Variants in EFTUD2 observed in about 807,000 individuals in gnomAD.
EFTUD2 encodes elongation factor Tu GTP binding domain containing 2, also known as 116 kDa U5 small nuclear ribonucleoprotein component.
A neutral mutation model predicts 114.3 loss-of-function variants in EFTUD2; 9 were observed. That is an observed-to-expected ratio of 0.08 (90% confidence interval 0.05 to 0.14). The LOEUF is 0.14. EFTUD2 is among the 10% of genes least tolerant of loss of function. EFTUD2 has a pLI of 1.00. For missense variants in EFTUD2, 765 were observed against 1,241.2 expected (o/e 0.62, Z 5.76); for synonymous variants, 449 against 462.3 (o/e 0.97, Z 0.37).
chr17:44,873,719 A>G (rs1230780801), intron 10 of EFTUD2, among the ~76,000 whole-genome samples: 1 of 144,846 alleles, frequency 6.9e-6, no homozygotes, highest in Non-Finnish European at 1.5e-5. Flanking sequence ...GTTCAGCTCT[A>G]TCCCACTTCC....
intron 9 of EFTUD2, 167 bp downstream of exon 9, chr17:44,879,389 A>T: frequency 1.5e-6 from 1 of 662,844 alleles, no homozygotes; most frequent in Non-Finnish European, 2.6e-6. Context: ...CCCGGTAAGA[A>T]TTAATTTTGA....
chr17:44,899,277 T>C (rs1956582677), intron 1 of EFTUD2, 92 bp downstream of exon 1: 1 of 152,210 alleles, frequency 6.6e-6, no homozygotes, highest in Non-Finnish European at 1.5e-5. Flanking sequence ...AAGGGGCCAA[T>C]AGCATATAAG....
At chr17:44,868,250 C>T (rs1283114556) in intron 12 of EFTUD2, 37 bp downstream of exon 12, 1 of 1,571,146 alleles carries the variant, frequency 6.4e-7, no homozygotes, top group East Asian at 2.3e-5. Flanking sequence ...GGTAAATGAT[C>T]ACCCCTCTGG....
intron 9 of EFTUD2, among the ~76,000 whole-genome samples, chr17:44,877,592 G>C (rs2050988062): frequency 6.6e-6 from 1 of 152,098 alleles, no homozygotes; most frequent in Non-Finnish European, 1.5e-5. Flanking sequence ...GACTACTTGA[G>C]GTCAGGAGTT....
Position 44,879,748 on chromosome 17 carries a change from C to T in EFTUD2, c.620-110G>A, listed in dbSNP as rs2051036374. ...AAGCCCGTGAACCTCCGAATATCCC[C>T]TTTCCTCCTCGCCATAACCCCCCAC... On this transcript the variant is annotated intron_variant, in intron 8 of 27. Coordinates refer to ENST00000426333, the MANE Select transcript of EFTUD2 (RefSeq NM_004247.4). 1.2e-5 allele frequency: 12 copies of T among 1,023,914 alleles called. No homozygotes were observed. The East Asian group carries it at 2.9e-4, about 24-fold the overall frequency. The allele number at this position is 1,023,914 out of a possible 1,614,324, so 63.4% of individuals were successfully genotyped here.
At chr17:44,851,584 T>A in intron 27 of EFTUD2, 126 bp downstream of exon 27, 1 of 1,084,384 alleles carries the variant, frequency 9.2e-7, no homozygotes, top group Non-Finnish European at 1.3e-6. Context: ...CTAAGGAGTA[T>A]ACAGATCATA....
chr17:44,891,594 C>T (rs1434550017), intron 2 of EFTUD2, among the ~76,000 whole-genome samples: 1 of 152,214 alleles, frequency 6.6e-6, no homozygotes. Context: ...AAGTGATCCT[C>T]CTGCCTTGAC....
At position 44,865,362 on chromosome 17, in the gene EFTUD2, C is replaced by A. The variant is rs2050726763; in HGVS notation, c.1150-297G>T. 1.4e-5 allele frequency: 4 copies of A among 296,288 alleles called. No homozygotes were observed. In the South Asian group the frequency reaches 1.9e-4, roughly 14 times the overall value. 18.4% of individuals were successfully genotyped at this position (296,288 alleles called of 1,614,324 possible). On this transcript the variant is annotated intron_variant, in intron 13 of 27. Coordinates refer to ENST00000426333, the MANE Select transcript of EFTUD2 (RefSeq NM_004247.4). ...GTCTGAAAAGCAGCATCTCCTCCCA[C>A]TCAGAAACTCCCTCACCTATTAAAC...
At chr17:44,864,817 T>C (rs2050716507) in intron 14 of EFTUD2, 113 bp downstream of exon 14, 2 of 1,490,470 alleles carry the variant, frequency 1.3e-6, no homozygotes, top group African/African-American at 1.4e-5. Flanking sequence ...CTGTGGTTTG[T>C]TGAAAAGATC....
intron 14 of EFTUD2, chr17:44,864,069 T>C (rs556529707): frequency 2.8e-4 from 73 of 263,796 alleles, no homozygotes; most frequent in Non-Finnish European, 4.8e-4. Context: ...TATGAACTTT[T>C]ATTGGCTATA....
chr17:44,881,415 C>T (rs768473319), intron 7 of EFTUD2, among the ~76,000 whole-genome samples: 22 of 151,666 alleles, frequency 1.5e-4, no homozygotes, highest in South Asian at 2.1e-4. Context: ...ATGCAGACAT[C>T]GCCTCTTAGT....
chr17:44,862,715 G>C lies in EFTUD2; in HGVS notation c.1605C>G (p.Ala535=), dbSNP rs146924589. 11 of 1,612,622 alleles carry C rather than the reference G, an allele frequency of 6.8e-6. No individual in the cohort carries two copies. In the South Asian group the frequency reaches 1.1e-4, roughly 16 times the overall value. Residue 535 remains alanine (A), a splice_region_variant and synonymous_variant, in exon 16 of 28, where the codon GCC becomes GCG. Transcript: ENST00000426333. ...CCTGGGGCTCTGGTTGGCAGTACCT[G>C]GCCACAGAGATCCAAAGGCGGCCCA... is the stretch of plus-strand genomic sequence containing the variant. ...CTVGRLWISV[A]RYHIEVNRVP...
chr17:44,865,290 A>C (rs1215334677), intron 13 of EFTUD2: 1 of 524,142 alleles, frequency 1.9e-6, no homozygotes, highest in Non-Finnish European at 3.3e-6. Flanking sequence ...CATCCCAGCC[A>C]ATAAACCAAG....
At position 44,850,503 on chromosome 17, in the gene EFTUD2, G is replaced by A. The variant is rs1446433271; in HGVS notation, c.*771C>T. 87 of 809,654 alleles carry A rather than the reference G, an allele frequency of 1.1e-4. No homozygotes were observed. Among genetic ancestry groups the A allele is most frequent in the Non-Finnish European group, 1.2e-5 (6 of 483,874 alleles). The allele number at this position is 809,654 out of a possible 1,614,324, so 50.2% of individuals were successfully genotyped here. A position where few individuals can be genotyped will look rare whatever the true frequency, so the allele number is the denominator to read the frequency against. ...CAACAGACTCTTTTTCACTGGGGGA[G>A]AACAGAGTAAGGGACTGGTGGTAGC... is the stretch of plus-strand genomic sequence containing the variant. On this transcript the variant is annotated 3_prime_UTR_variant, in exon 28 of 28. Coordinates refer to ENST00000426333, the MANE Select transcript of EFTUD2 (RefSeq NM_004247.4).
intron 6 of EFTUD2, among the ~76,000 whole-genome samples, chr17:44,882,033 T>C (rs2051081312): frequency 6.6e-6 from 1 of 152,112 alleles, no homozygotes; most frequent in Non-Finnish European, 1.5e-5. Context: ...CTCCAGGGTT[T>C]AAGAGATTCT....
intron 2 of EFTUD2, among the ~76,000 whole-genome samples, chr17:44,891,575 C>G (rs1233410840): frequency 6.6e-6 from 1 of 152,172 alleles, no homozygotes; most frequent in African/African-American, 2.4e-5. Flanking sequence ...GTCTCAAACT[C>G]CTCGGTTCAA....
intron 10 of EFTUD2, among the ~76,000 whole-genome samples, chr17:44,873,952 T>C (rs2050901282): frequency 6.7e-6 from 1 of 149,460 alleles, no homozygotes; most frequent in South Asian, 2.1e-4. Context: ...GCCAGGATGG[T>C]CTCGATCTCC....
chr17:44,885,585 G>A (rs1266854979), intron 3 of EFTUD2, among the ~76,000 whole-genome samples: 1 of 152,122 alleles, frequency 6.6e-6, no homozygotes, highest in Non-Finnish European at 1.5e-5. Context: ...GAGGGGGAAT[G>A]GATGTAGGTT....
chr17:44,861,529 C>T (rs907029381), intron 16 of EFTUD2, among the ~76,000 whole-genome samples: 1 of 151,116 alleles, frequency 6.6e-6, no homozygotes, highest in Admixed American at 6.6e-5. Flanking sequence ...GTCAGGAGAT[C>T]GAGACCATTC....
Sources: gnomAD v4.1 joint callset for allele counts (sites outside exome capture counted in the v4.1 genomes callset) on GRCh38, gnomAD v4.1.1 for gene constraint, MANE v1.5 for transcripts, NCBI Gene and HGNC (gene_info 2026-07-23, HGNC 2026-07-21) for gene names.